ACSM1: variants seen among roughly 807,000 people sequenced by gnomAD.
ACSM1 encodes acyl-coenzyme A synthetase ACSM1, mitochondrial.
A neutral mutation model predicts 75.8 loss-of-function variants in ACSM1; 79 were observed. The ratio of observed to expected loss-of-function variants is 1.04; its 90% CI spans 0.87 to 1.26. The LOEUF (loss-of-function observed/expected upper bound fraction) is 1.26. ACSM1 is among the 50% of genes most tolerant of loss of function. ACSM1 has a pLI of 0.00. For synonymous variants in ACSM1, 279 were observed against 265.8 expected, an observed-to-expected ratio of 1.05 and a Z score of -0.48; for missense variants, 676 against 720.1, an observed-to-expected ratio of 0.94 and a Z score of 0.70.
In ACSM1 at chr16:20,682,305, C is replaced by T. The variant is rs2079462590; in HGVS notation, c.562G>A (p.Val188Met). ...CACCCTTCACGGCTGTGATCAGACACCAGGAGCTTGGTTTTCAGAGAGGGG... is the reference window on the plus strand; with the variant it reads ...CACCCTTCACGGCTGTGATCAGACATCAGGAGCTTGGTTTTCAGAGAGGGG... ...QCPSLKTKLLVSDHSREGWLD... is the reference protein window; with the variant it reads ...QCPSLKTKLLMSDHSREGWLD... The change falls in exon 4 of 14, where the codon GTG becomes ATG. Residue 188 changes from valine (V) to methionine (M), a missense_variant. Val to Met is a conservative substitution (Grantham distance 21). Coordinates refer to ENST00000520010, the MANE Select transcript of ACSM1 (RefSeq NM_001318890.3). 1 of 1,613,880 alleles carries T rather than the reference C, an allele frequency of 6.2e-7. No individual in the cohort carries two copies. The highest frequency in any genetic ancestry group is 1.1e-5 in the South Asian group (1 of 91,070).
At position 20,661,893 on chromosome 16, in the gene ACSM1, G is replaced by T. The variant is rs1274476156; in HGVS notation, c.913-20C>A. 5.8e-6 allele frequency: 9 copies of T among 1,560,058 alleles called. No homozygotes were observed. Among genetic ancestry groups the T allele is most frequent in the East Asian group, 2.3e-5 (1 of 44,170 alleles). On this transcript the variant is annotated intron_variant, in intron 6 of 13. Coordinates refer to ENST00000520010, the MANE Select transcript of ACSM1 (RefSeq NM_001318890.3). Reference sequence around the variant, plus strand: ...CAATGTCTGGAAAGGGAAGAGAGAAGAAATTTTATTTTTACAGTTAAGGTT... The same window carrying T: ...CAATGTCTGGAAAGGGAAGAGAGAATAAATTTTATTTTTACAGTTAAGGTT...
intron 4 of ACSM1, among the ~76,000 whole-genome samples, chr16:20,677,945 T>G (rs1047991502): frequency 6.6e-6 from 1 of 151,886 alleles, no homozygotes; most frequent in Non-Finnish European, 1.5e-5. Context: ...AAATGCTGTA[T>G]AGGCCTTAAA....
intron 11 of ACSM1, 71 bp from the exon 12 acceptor site, chr16:20,625,593 G>T: frequency 7.2e-7 from 1 of 1,397,308 alleles, no homozygotes; most frequent in Non-Finnish European, 1.0e-6. Context: ...TCCTGCTTTG[G>T]AGTCACAGCT....
chr16:20,678,440 G>A (rs1284360552), intron 4 of ACSM1, among the ~76,000 whole-genome samples: 3 of 152,146 alleles, frequency 2.0e-5, no homozygotes, highest in Non-Finnish European at 2.9e-5. Flanking sequence ...TCCACCCCCA[G>A]GAGTTCAGGA....
At chr16:20,646,306 T>A (rs2018356686) in intron 7 of ACSM1, among the ~76,000 whole-genome samples, 1 of 152,178 alleles carries the variant, frequency 6.6e-6, no homozygotes, top group Non-Finnish European at 1.5e-5. Context: ...GCCCCTTATG[T>A]CAAGGGAATG....
Position 20,691,074 on chromosome 16 carries a change from T to A in ACSM1, c.115A>T (p.Arg39Ter), listed in dbSNP as rs1264181319. 6.2e-7 allele frequency: 1 copy of A among 1,613,696 alleles called. No individual in the cohort carries two copies. Among genetic ancestry groups the A allele is most frequent in the Non-Finnish European group, 8.5e-7 (1 of 1,179,874 alleles). ...CRSLSEFGAPRWNDYEVPEEF... is the reference protein window; with the variant it reads ...CRSLSEFGAP ...TCCGGTACTTCATAGTCATTCCATC[T>A]TGGGGCTCCAAATTCTGATAAAGAC... Residue 39 changes from arginine (R) to a stop codon, truncating the protein, a stop_gained, in exon 2 of 14, where the codon AGA becomes TGA. Transcript: ENST00000520010. LOFTEE classifies it high-confidence loss of function.
In ACSM1 at chr16:20,687,592, T is replaced by C. The variant is rs571603967; in HGVS notation, c.193-2189A>G. Among the ~76,000 whole-genome samples, 12 of 152,144 alleles carry C rather than the reference T, an allele frequency of 7.9e-5. No homozygotes were observed. In the South Asian group the frequency reaches 2.5e-3, roughly 32 times the overall value. Reference sequence around the variant, plus strand: ...CAAAGGAGCAGGAAAACATGGCTCATTCAAGGGAGCAAAATAAATCTCCAG... The same window carrying C: ...CAAAGGAGCAGGAAAACATGGCTCACTCAAGGGAGCAAAATAAATCTCCAG... On this transcript the variant is annotated intron_variant, in intron 2 of 13. Transcript: ENST00000520010.
chr16:20,678,525 T>C (rs945195048), intron 4 of ACSM1, among the ~76,000 whole-genome samples: 15 of 152,200 alleles, frequency 9.9e-5, no homozygotes, highest in African/African-American at 3.6e-4. Context: ...TATCAGTACA[T>C]GTTGGTGTTC....
In ACSM1 at chr16:20,625,452, C is replaced by A; in HGVS notation, c.1498G>T (p.Val500Leu). 6.2e-7 allele frequency: 1 copy of A among 1,614,142 alleles called. No homozygotes were observed. Among genetic ancestry groups the A allele is most frequent in the Non-Finnish European group, 8.5e-7 (1 of 1,180,040 alleles). The change falls in exon 12 of 14, where the codon GTG becomes TTG. Residue 500 changes from valine (V) to leucine (L), a missense_variant. Physicochemically the swap from Val to Leu is conservative, Grantham distance 32. Coordinates refer to ENST00000520010, the MANE Select transcript of ACSM1 (RefSeq NM_001318890.3). The stretch of plus-strand genomic sequence containing the variant: ...CCTCGAATCGGGTCTGGGCTGCCCA[C>A]CACGGCTGACTCCGCCACCGCTGGG... Reference protein sequence around the residue: ...EHPAVAESAVVGSPDPIRGEV... With the variant: ...EHPAVAESAVLGSPDPIRGEV...
chr16:20,624,326 T>C lies in ACSM1; in HGVS notation c.1528-111A>G, dbSNP rs892259226. 224 of 1,317,484 alleles carry C rather than the reference T, an allele frequency of 1.7e-4. No individual in the cohort carries two copies. Among genetic ancestry groups the C allele is most frequent in the Non-Finnish European group, 2.1e-4 (213 of 997,934 alleles). 81.6% of individuals were successfully genotyped at this position (1,317,484 alleles called of 1,614,324 possible). A position where few individuals can be genotyped will look rare whatever the true frequency, so the allele number is the denominator to read the frequency against. Reference sequence around the variant, plus strand: ...CAAGGTGACACTGAACCCTACAGTGTTTTGGAAAAGGAGAGGACCAGGTGT... The same window carrying C: ...CAAGGTGACACTGAACCCTACAGTGCTTTGGAAAAGGAGAGGACCAGGTGT... On this transcript the variant is annotated intron_variant, in intron 12 of 13. Coordinates refer to ENST00000520010, the MANE Select transcript of ACSM1 (RefSeq NM_001318890.3).
intron 10 of ACSM1, among the ~76,000 whole-genome samples, chr16:20,628,779 T>C (rs558787174): frequency 6.6e-6 from 1 of 152,296 alleles, no homozygotes; most frequent in South Asian, 2.1e-4. Flanking sequence ...GTTGGCACTT[T>C]TTTTGTCGCC....
chr16:20,655,516 G>C (rs2018910939), intron 7 of ACSM1, among the ~76,000 whole-genome samples: 2 of 152,058 alleles, frequency 1.3e-5, no homozygotes, highest in African/African-American at 2.4e-5. Context: ...ATTTTTAAAG[G>C]AGTTGTGTAA....
intron 1 of ACSM1, among the ~76,000 whole-genome samples, chr16:20,692,227 A>G (rs1291580698): frequency 6.6e-6 from 1 of 152,226 alleles, no homozygotes; most frequent in African/African-American, 2.4e-5. Context: ...CCCGTGACAC[A>G]GCCCTCAGGA....
intron 6 of ACSM1, 76 bp downstream of exon 6, chr16:20,669,751 T>C (rs994101679): frequency 1.3e-6 from 2 of 1,484,654 alleles, no homozygotes; most frequent in African/African-American, 1.4e-5. Flanking sequence ...CTTAATAAAA[T>C]ATTTTTTTAG....
At chr16:20,625,023 A>G (rs2016834478) in intron 12 of ACSM1, among the ~76,000 whole-genome samples, 1 of 152,160 alleles carries the variant, frequency 6.6e-6, no homozygotes, top group South Asian at 2.1e-4. Flanking sequence ...GCCCGGCCTA[A>G]TAACACTTTT....
At chr16:20,693,435 C>T (rs2079673478) in intron 1 of ACSM1, among the ~76,000 whole-genome samples, 1 of 152,166 alleles carries the variant, frequency 6.6e-6, no homozygotes, top group Admixed American at 6.5e-5. Context: ...TCCTTTCTTT[C>T]CATGTAAATG....
chr16:20,685,832 C>CAAAAAAAAA (rs1469791653), intron 2 of ACSM1, among the ~76,000 whole-genome samples: 1 of 72,132 alleles, frequency 1.4e-5, no homozygotes, highest in Non-Finnish European at 2.5e-5. Flanking sequence ...AAAAAAAAAA[C>CAAAAAAAAA]AAACAAAAAA....
intron 7 of ACSM1, among the ~76,000 whole-genome samples, chr16:20,656,943 G>T (rs1484970570): frequency 1.3e-5 from 2 of 150,676 alleles, no homozygotes; most frequent in Non-Finnish European, 2.9e-5. Flanking sequence ...AAGTTTAGTT[G>T]TCTTCTAAAC....
chr16:20,629,352 G>A (rs2017196424), intron 10 of ACSM1, among the ~76,000 whole-genome samples: 1 of 152,010 alleles, frequency 6.6e-6, no homozygotes, highest in South Asian at 2.1e-4. Flanking sequence ...AGTTAAGTAG[G>A]TATTAATTCA....
Sources: allele counts gnomAD v4.1 joint callset (sites outside exome capture counted in the v4.1 genomes callset), GRCh38; gene constraint gnomAD v4.1.1; transcripts MANE v1.5; gene names NCBI Gene and HGNC (gene_info 2026-07-23, HGNC 2026-07-21).